SGSM1: variants seen among roughly 807,000 people sequenced by gnomAD.
SGSM1 encodes small G protein signaling modulator 1.
In SGSM1, 73 loss-of-function variants were observed where a neutral mutation model predicts 133.8. The ratio of observed to expected loss-of-function variants is 0.55; its 90% CI spans 0.45 to 0.66. The LOEUF (loss-of-function observed/expected upper bound fraction) is 0.66, where lower values mean the gene tolerates loss of function less well. Ranked by LOEUF, SGSM1 falls within the 30% of genes least tolerant of loss-of-function variation. The probability of loss-of-function intolerance (pLI) is 0.00; values close to 1 mark genes in which losing one functional copy is unlikely to be tolerated. For missense variants in SGSM1, 1,213 were observed against 1,448.1 expected (o/e 0.84, Z 2.64); for synonymous variants, 563 against 573.0 (o/e 0.98, Z 0.25).
In SGSM1 at chr22:24,855,587, G is replaced by A. The variant is rs1930727025; in HGVS notation, c.708G>A (p.Arg236=). Residue 236 remains arginine (R), a synonymous_variant, in exon 8 of 25, where the codon CGG becomes CGA. Transcript: ENST00000400358. ...KRHSSGSMDD[R]PSLSARDYVE... The stretch of plus-strand genomic sequence containing the variant: ...ATTCCAGTGGCAGCATGGATGACCG[G>A]CCATCCCTCTCTGCCCGCGACTACG... The A allele has an allele frequency of 6.2e-7, 1 of 1,613,774 alleles. No individual in the cohort carries two copies. Among genetic ancestry groups the A allele is most frequent in the South Asian group, 1.1e-5 (1 of 91,058 alleles).
rs1233086557 is a variant in SGSM1 at position 24,839,651 on chromosome 22, G to A, written c.64-5246G>A. On this transcript the variant is annotated intron_variant, in intron 2 of 24. Coordinates refer to ENST00000400358, the MANE Select transcript of SGSM1 (RefSeq NM_001098497.3). Reference sequence around the variant, plus strand: ...ATTGGAGGGTTTTAACTTACTGATAGCATCTCCCTGCTATGATACATCTGT... The same window carrying A: ...ATTGGAGGGTTTTAACTTACTGATAACATCTCCCTGCTATGATACATCTGT... Among the ~76,000 whole-genome samples the A allele has an allele frequency of 3.9e-5, 6 of 152,134 alleles. No individual in the cohort carries two copies. In the East Asian group the frequency reaches 1.2e-3, roughly 29 times the overall value.
chr22:24,806,666 G>T (rs1038529495), intron 2 of SGSM1, among the ~76,000 whole-genome samples, 182 bp downstream of exon 2: 9 of 152,120 alleles, frequency 5.9e-5, no homozygotes, highest in African/African-American at 9.6e-5. Context: ...GTTTGGGGGT[G>T]GGCGTAGGTG....
chr22:24,870,809 G>A (rs1326990597), intron 12 of SGSM1, among the ~76,000 whole-genome samples: 1 of 152,180 alleles, frequency 6.6e-6, no homozygotes, highest in Non-Finnish European at 1.5e-5. Flanking sequence ...CTGTCCCTTT[G>A]TGAGGCAAAC....
At chr22:24,917,093 A>G (rs867050315) in intron 22 of SGSM1, among the ~76,000 whole-genome samples, 20 of 131,032 alleles carry the variant, frequency 1.5e-4, no homozygotes, top group East Asian at 6.5e-4. Context: ...GGGTCTTGCT[A>G]TGTTGCCCAG....
intron 2 of SGSM1, among the ~76,000 whole-genome samples, chr22:24,823,845 G>C (rs1414423711): frequency 6.6e-6 from 1 of 152,062 alleles, no homozygotes; most frequent in Non-Finnish European, 1.5e-5. Context: ...AGGAGTTCGA[G>C]GCTGCCGTGA....
chr22:24,876,164 A>G (rs1194048321), intron 12 of SGSM1, among the ~76,000 whole-genome samples: 1 of 152,146 alleles, frequency 6.6e-6, no homozygotes, highest in African/African-American at 2.4e-5. Context: ...TGCCTCATCT[A>G]TTGAGTCAGG....
intron 2 of SGSM1, among the ~76,000 whole-genome samples, chr22:24,836,374 T>C (rs933763809): frequency 1.5e-4 from 23 of 152,246 alleles, no homozygotes; most frequent in Admixed American, 1.3e-3. Flanking sequence ...TTGGGTTGTT[T>C]CCACCTTTTG....
rs200419874 is a variant in SGSM1, at chr22:24,884,913, C to A, written c.1641+715C>A. 6.6e-5 allele frequency among the ~76,000 whole-genome samples: 10 copies of A among 152,276 alleles called. No homozygotes were observed. The East Asian group carries it at 1.9e-3, about 29-fold the overall frequency. On this transcript the variant is annotated intron_variant, in intron 15 of 24. Coordinates refer to ENST00000400358, the MANE Select transcript of SGSM1 (RefSeq NM_001098497.3). ...CAAAAGATATTAGTGTATGAGGTAG[C>A]AGCGAGAATTGTACACTTTGGATTA...
At chr22:24,878,840 G>A (rs1462412490) in intron 13 of SGSM1, among the ~76,000 whole-genome samples, 1 of 152,230 alleles carries the variant, frequency 6.6e-6, no homozygotes, top group African/African-American at 2.4e-5. Context: ...TTCTGCAAGT[G>A]ATAGAAACCC....
chr22:24,867,475 A>G (rs1250106746), intron 10 of SGSM1, among the ~76,000 whole-genome samples: 1 of 152,372 alleles, frequency 6.6e-6, no homozygotes, highest in East Asian at 1.9e-4. Flanking sequence ...TGCTAAGCAC[A>G]GTTCTGAGCA....
intron 2 of SGSM1, among the ~76,000 whole-genome samples, chr22:24,838,971 A>G (rs80112755): frequency 0.011 from 1,644 of 149,944 alleles, 43 homozygotes; most frequent in African/African-American, 0.038. Flanking sequence ...AAATTTCATT[A>G]AATCTGTCGA....
intron 2 of SGSM1, among the ~76,000 whole-genome samples, chr22:24,812,994 G>A (rs570817149): frequency 6.6e-5 from 10 of 152,268 alleles, no homozygotes; most frequent in African/African-American, 2.2e-4. Context: ...AGAGCTCCAA[G>A]GAAAATAACG....
At chr22:24,848,007 G>A (rs1473375329) in intron 4 of SGSM1, among the ~76,000 whole-genome samples, 1 of 151,564 alleles carries the variant, frequency 6.6e-6, no homozygotes, top group Admixed American at 6.6e-5. Context: ...CTGCTTTCTT[G>A]TCATCATTCA....
intron 9 of SGSM1, among the ~76,000 whole-genome samples, chr22:24,860,159 G>T (rs1283370942): frequency 6.6e-6 from 1 of 152,186 alleles, no homozygotes; most frequent in Admixed American, 6.5e-5. Flanking sequence ...TTCAGTCTCT[G>T]TCTTCCCTCT....
intron 2 of SGSM1, among the ~76,000 whole-genome samples, chr22:24,809,918 G>A (rs533583320): frequency 1.5e-4 from 23 of 152,338 alleles, no homozygotes; most frequent in Non-Finnish European, 3.1e-4. Flanking sequence ...ACAGGTGCAA[G>A]ATGAGTAGGA....
At chr22:24,897,132 C>G (rs1454674770) in intron 18 of SGSM1, among the ~76,000 whole-genome samples, 1 of 152,092 alleles carries the variant, frequency 6.6e-6, no homozygotes, top group Admixed American at 6.5e-5. Flanking sequence ...GTAATCACAG[C>G]ACTCTGGGAG....
chr22:24,889,851 G>A (rs143616313), intron 16 of SGSM1, among the ~76,000 whole-genome samples: 2,525 of 147,930 alleles, frequency 0.017, 77 homozygotes, highest in African/African-American at 0.059. Flanking sequence ...AGGTTTCACC[G>A]TGTTGGCCGG....
chr22:24,835,393 G>A (rs1030878458), intron 2 of SGSM1, among the ~76,000 whole-genome samples: 5 of 152,132 alleles, frequency 3.3e-5, no homozygotes, highest in African/African-American at 1.2e-4. Flanking sequence ...TGGGTCTTGG[G>A]AGTAGAGCAC....
At chr22:24,886,460 T>G in intron 15 of SGSM1, 140 bp from the exon 16 acceptor site, 1 of 1,099,068 alleles carries the variant, frequency 9.1e-7, no homozygotes, top group Non-Finnish European at 1.3e-6. Flanking sequence ...TCCCAGCACT[T>G]TGGGAGGCCA....
Sources: gnomAD v4.1 joint callset for allele counts (sites outside exome capture counted in the v4.1 genomes callset) on GRCh38, gnomAD v4.1.1 for gene constraint, MANE v1.5 for transcripts, NCBI Gene and HGNC (gene_info 2026-07-23, HGNC 2026-07-21) for gene names.